The following FGD4 variants were observed in gnomAD, a reference collection of about 807,000 sequenced individuals.
FGD4 encodes the protein FYVE, RhoGEF and PH domain containing 4.
FGD4 carries 42 observed loss-of-function variants against 102.0 expected under a neutral mutation model. The ratio of observed to expected loss-of-function variants is 0.41; its 90% CI spans 0.32 to 0.53. The LOEUF (loss-of-function observed/expected upper bound fraction) is 0.53, where lower values mean the gene tolerates loss of function less well. FGD4 is among the 20% of genes least tolerant of loss of function. The pLI, the probability that FGD4 is intolerant of heterozygous loss-of-function variation, is 0.21. For missense variants in FGD4, 902 were observed against 1,078.2 expected (o/e 0.84, Z 2.29); for synonymous variants, 380 against 375.7 (o/e 1.01, Z -0.13).
At position 32,640,562 on chromosome 12, in the gene FGD4, G is replaced by A. The variant is rs1951112173; in HGVS notation, c.*29G>A. 2 of 1,612,774 alleles carry A rather than the reference G, an allele frequency of 1.2e-6. No homozygotes were observed. Among genetic ancestry groups the A allele is most frequent in the Non-Finnish European group, 1.7e-6 (2 of 1,180,032 alleles). ...CCTCCAGGACCAGCCATGGTGTGGAGGTCTCAGGACTTACAGCTCAAGACA... is the reference window on the plus strand; with the variant it reads ...CCTCCAGGACCAGCCATGGTGTGGAAGTCTCAGGACTTACAGCTCAAGACA... On this transcript the variant is annotated 3_prime_UTR_variant, in exon 17 of 17. Transcript: ENST00000534526.
chr12:32,546,016 T>C (rs568399729), intron 1 of FGD4, among the ~76,000 whole-genome samples: 3 of 152,378 alleles, frequency 2.0e-5, no homozygotes, highest in African/African-American at 7.2e-5. Flanking sequence ...TCTTAAAATC[T>C]GTTTTATGAT....
At chr12:32,503,953 A>G (rs893500853) in intron 1 of FGD4, among the ~76,000 whole-genome samples, 5 of 110,892 alleles carry the variant, frequency 4.5e-5, no homozygotes, top group Non-Finnish European at 9.3e-5. Context: ...GTAGTTACCC[A>G]GAGCATTGGG....
At chr12:32,402,791 T>C (rs1280973586) in intron 1 of FGD4, among the ~76,000 whole-genome samples, 1 of 152,046 alleles carries the variant, frequency 6.6e-6, no homozygotes, top group East Asian at 1.9e-4. Context: ...CTTACCATGA[T>C]AAAATCTGTA....
chr12:32,597,014 G>A (rs12299323), intron 4 of FGD4, among the ~76,000 whole-genome samples: 14,389 of 151,458 alleles, frequency 0.095, 2,282 homozygotes, highest in African/African-American at 0.33. Context: ...AGAAATCTTC[G>A]CATATACATT....
intron 1 of FGD4, among the ~76,000 whole-genome samples, chr12:32,485,298 G>A (rs950597770): frequency 6.6e-6 from 1 of 152,076 alleles, no homozygotes; most frequent in South Asian, 2.1e-4. Context: ...AACCATTCCT[G>A]GAAAAAAATG....
intron 1 of FGD4, among the ~76,000 whole-genome samples, chr12:32,412,716 C>T (rs1220932066): frequency 6.6e-6 from 1 of 151,930 alleles, no homozygotes; most frequent in Non-Finnish European, 1.5e-5. Flanking sequence ...TCAAGCGATC[C>T]TCCTGCCTCA....
intron 1 of FGD4, among the ~76,000 whole-genome samples, chr12:32,547,790 T>A (rs1161980047): frequency 1.3e-5 from 2 of 152,198 alleles, no homozygotes; most frequent in Non-Finnish European, 2.9e-5. Context: ...CACTACAATC[T>A]CCGCCTCCCG....
intron 1 of FGD4, among the ~76,000 whole-genome samples, chr12:32,439,328 G>A (rs1942348358): frequency 6.6e-6 from 1 of 152,182 alleles, no homozygotes; most frequent in Admixed American, 6.5e-5. Flanking sequence ...GTATTCCCTT[G>A]TGTATCTATG....
chr12:32,589,718 G>C (rs2136504799), intron 4 of FGD4, among the ~76,000 whole-genome samples: 1 of 152,104 alleles, frequency 6.6e-6, no homozygotes, highest in East Asian at 1.9e-4. Context: ...TGCAACCTCT[G>C]TTTCCCCCTC....
chr12:32,531,063 T>G (rs1390145448), intron 1 of FGD4, among the ~76,000 whole-genome samples: 1 of 147,354 alleles, frequency 6.8e-6, no homozygotes, highest in Admixed American at 6.9e-5. Flanking sequence ...GCGATTCTCC[T>G]GCCTCAGTCT....
At chr12:32,493,677 A>G (rs1012183143) in intron 1 of FGD4, among the ~76,000 whole-genome samples, 4 of 152,224 alleles carry the variant, frequency 2.6e-5, no homozygotes, top group African/African-American at 9.6e-5. Flanking sequence ...CACCTACTGC[A>G]TGCCAGACAC....
chr12:32,407,835 C>G (rs1028821513), intron 1 of FGD4, among the ~76,000 whole-genome samples: 44 of 152,166 alleles, frequency 2.9e-4, no homozygotes, highest in African/African-American at 9.4e-4. Flanking sequence ...TATTGCAGCC[C>G]TCTCCTTTTT....
At chr12:32,521,356 C>T (rs1940528871) in intron 1 of FGD4, among the ~76,000 whole-genome samples, 1 of 129,484 alleles carries the variant, frequency 7.7e-6, no homozygotes, top group Non-Finnish European at 1.6e-5. Flanking sequence ...AGCCTGGCGA[C>T]GGCGAGACTC....
chr12:32,586,018 G>GT (rs1307940624), intron 4 of FGD4, among the ~76,000 whole-genome samples: 2 of 151,980 alleles, frequency 1.3e-5, no homozygotes, highest in African/African-American at 4.8e-5. Flanking sequence ...TGAGCAATGA[G>GT]TAGAGGCAAG....
At chr12:32,429,340 G>A (rs1941965878) in intron 1 of FGD4, among the ~76,000 whole-genome samples, 1 of 152,148 alleles carries the variant, frequency 6.6e-6, no homozygotes, top group Admixed American at 6.5e-5. Flanking sequence ...TGTTTGCCTG[G>A]GTATCACCAG....
At chr12:32,479,291 T>G (rs969143104) in intron 1 of FGD4, among the ~76,000 whole-genome samples, 2 of 152,246 alleles carry the variant, frequency 1.3e-5, no homozygotes, top group Non-Finnish European at 2.9e-5. Context: ...TAATAGGACC[T>G]TGTTTCATTT....
chr12:32,416,901 C>CTTTTTTT (rs746296505), intron 1 of FGD4, among the ~76,000 whole-genome samples: 1 of 142,710 alleles, frequency 7.0e-6, no homozygotes, highest in Non-Finnish European at 1.5e-5. Context: ...TTTTCTTTTT[C>CTTTTTTT]TTTTTTTTTT....
At chr12:32,470,667 T>G (rs957041796) in intron 1 of FGD4, among the ~76,000 whole-genome samples, 1 of 152,074 alleles carries the variant, frequency 6.6e-6, no homozygotes, top group Non-Finnish European at 1.5e-5. Context: ...TTGGCCATGC[T>G]GGTCTCGAAC....
At chr12:32,419,827 G>C (rs1941562505) in intron 1 of FGD4, among the ~76,000 whole-genome samples, 1 of 151,254 alleles carries the variant, frequency 6.6e-6, no homozygotes, top group Admixed American at 6.6e-5. Flanking sequence ...GTGCAGCCTG[G>C]TTCTGCTTAT....
Sources: gnomAD v4.1 joint callset for allele counts (sites outside exome capture counted in the v4.1 genomes callset) on GRCh38, gnomAD v4.1.1 for gene constraint, MANE v1.5 for transcripts, NCBI Gene and HGNC (gene_info 2026-07-23, HGNC 2026-07-21) for gene names.